ZNF552: variants seen among roughly 807,000 people sequenced by gnomAD.
ZNF552 encodes the protein zinc finger protein 552.
In ZNF552, 2 loss-of-function variants were observed where a neutral mutation model predicts 7.2. The observed-to-expected ratio is 0.28, with a 90% CI of 0.11 to 0.88. ZNF552 has a LOEUF of 0.88. ZNF552 is among the 40% of genes least tolerant of loss of function. The pLI, the probability that ZNF552 is intolerant of heterozygous loss-of-function variation, is 0.60. For missense variants in ZNF552, 421 were observed against 493.4 expected (o/e 0.85, Z 1.39); for synonymous variants, 173 against 176.5 (o/e 0.98, Z 0.16).
rs749214946 is a variant in ZNF552, at chr19:57,808,103, T to C, written c.1161A>G (p.Lys387=). The C allele has an allele frequency of 3.1e-6, 5 of 1,614,110 alleles. No homozygotes were observed. The East Asian group carries it at 1.1e-4, about 36-fold the overall frequency. ...GAAGTGAAGAGATTTGCCTAAATTT[T>C]TTTTCACATTCACTGCACCCGTAAG... ...EKPYGCSECE[K]KFRQISSLRH... The change falls in exon 3 of 3, where the codon AAA becomes AAG. Residue 387 remains lysine, a synonymous_variant. Coordinates refer to ENST00000391701, the MANE Select transcript of ZNF552 (RefSeq NM_024762.3).
In ZNF552 at chr19:57,807,212, G is replaced by A. The variant is rs1987758219; in HGVS notation, c.*828C>T. On this transcript the variant is annotated 3_prime_UTR_variant, in exon 3 of 3. Transcript: ENST00000391701. ...AAAGGCTCCAGGTGAATACAAAGGT[G>A]ATAGATTAGATAAATTCATTATTGT... 6.6e-6 allele frequency: 1 copy of A among 152,190 alleles called. No homozygotes were observed. Among genetic ancestry groups the A allele is most frequent in the African/African-American group, 2.4e-5 (1 of 41,448 alleles). The allele number at this position is 152,190 out of a possible 1,614,324, so 9.4% of individuals were successfully genotyped here.
chr19:57,813,773 C>CT (rs1368116971), intron 1 of ZNF552, among the ~76,000 whole-genome samples: 5 of 127,018 alleles, frequency 3.9e-5, no homozygotes, highest in Non-Finnish European at 7.9e-5. Flanking sequence ...GATACGGAGT[C>CT]TCGCTCTGTC....
chr19:57,813,204 G>A, intron 2 of ZNF552, 90 bp downstream of exon 2: 1 of 1,574,168 alleles, frequency 6.4e-7, no homozygotes, highest in Non-Finnish European at 8.6e-7. Flanking sequence ...CTGTGTCCAT[G>A]CTCCTGACAT....
At chr19:57,810,341 AAG>A (rs777193051) in intron 2 of ZNF552, among the ~76,000 whole-genome samples, 7 of 152,104 alleles carry the variant, frequency 4.6e-5, no homozygotes, top group Non-Finnish European at 7.4e-5. Flanking sequence ...GGGGAAAAGA[AAG>A]AGAGATCAGA....
At chr19:57,813,547 C>T (rs1987897288) in intron 1 of ZNF552, 127 bp from the exon 2 acceptor site, 2 of 1,379,676 alleles carry the variant, frequency 1.4e-6, no homozygotes, top group East Asian at 4.6e-5. Context: ...GAAACTAGGC[C>T]CACTGGTCAT....
intron 1 of ZNF552, chr19:57,814,414 T>C: frequency 8.9e-7 from 1 of 1,124,164 alleles, no homozygotes; most frequent in East Asian, 2.6e-5. Context: ...CCCAGCCTCC[T>C]TGCTTTTCCA....
At chr19:57,811,592 C>A (rs560863927) in intron 2 of ZNF552, among the ~76,000 whole-genome samples, 1 of 152,090 alleles carries the variant, frequency 6.6e-6, no homozygotes, top group South Asian at 2.1e-4. Context: ...GTGGCACATG[C>A]CTGTAATCCC....
chr19:57,808,858 G>A lies in ZNF552; in HGVS notation c.406C>T (p.Gln136Ter). 6.2e-7 allele frequency: 1 copy of A among 1,613,808 alleles called. No homozygotes were observed. The highest frequency in any genetic ancestry group is 8.5e-7 in the Non-Finnish European group (1 of 1,179,978). The change falls in exon 3 of 3, where the codon CAG becomes TAG. Residue 136 changes from glutamine to a stop codon, truncating the protein, a stop_gained. Transcript: ENST00000391701. LOFTEE classifies it low-confidence loss of function (END_TRUNC). ...NKLYDSGNFH[Q>*]HQNEHIGEKP... The stretch of plus-strand genomic sequence containing the variant: ...TCTCCAATGTGCTCATTCTGGTGCT[G>A]ATGAAAGTTTCCACTGTCATACAAT...
In ZNF552 at chr19:57,813,118, G is replaced by A. The variant is rs1286360205; in HGVS notation, c.160+176C>T. The A allele has an allele frequency of 3.7e-6, 4 of 1,074,430 alleles. No homozygotes were observed. The African/African-American group carries it at 6.4e-5, about 17-fold the overall frequency. The allele number at this position is 1,074,430 out of a possible 1,614,324, so 66.6% of individuals were successfully genotyped here. ...TTCTTCCCTGGGAGCTCAATAGCAGGTGTTGGGGCTGCTCCAAGAATGGAG... is the reference window on the plus strand; with the variant it reads ...TTCTTCCCTGGGAGCTCAATAGCAGATGTTGGGGCTGCTCCAAGAATGGAG... On this transcript the variant is annotated intron_variant, in intron 2 of 2. Transcript: ENST00000391701.
chr19:57,811,727 A>G (rs1987861456), intron 2 of ZNF552, among the ~76,000 whole-genome samples: 1 of 150,046 alleles, frequency 6.7e-6, no homozygotes, highest in Non-Finnish European at 1.5e-5. Flanking sequence ...AAAAAAAAAA[A>G]AAAAAAAAAA....
chr19:57,813,002 C>G (rs560200233), intron 2 of ZNF552: 1 of 461,692 alleles, frequency 2.2e-6, no homozygotes, highest in African/African-American at 1.9e-5. Flanking sequence ...AATTAGATCC[C>G]GAACCTGAAA....
At chr19:57,814,081 T>A (rs1987912226) in intron 1 of ZNF552, among the ~76,000 whole-genome samples, 1 of 152,072 alleles carries the variant, frequency 6.6e-6, no homozygotes, top group Non-Finnish European at 1.5e-5. Flanking sequence ...TCTACAGCCA[T>A]AAAGGCCTGA....
rs144324629 is a variant in ZNF552 at position 57,812,308 on chromosome 19, G to A, written c.160+986C>T. Among the ~76,000 whole-genome samples the A allele has an allele frequency of 3.0e-3, 460 of 152,128 alleles. 2 individuals carry two copies. Among genetic ancestry groups the A allele is most frequent in the Admixed American group, 5.2e-3 (79 of 15,260 alleles). Reference sequence around the variant, plus strand: ...CAAAAATACTACTGAAATAGAAGAGGTTTCTGTCATGATTTGAATAAAACT... The same window carrying A: ...CAAAAATACTACTGAAATAGAAGAGATTTCTGTCATGATTTGAATAAAACT... On this transcript the variant is annotated intron_variant, in intron 2 of 2. Coordinates refer to ENST00000391701, the MANE Select transcript of ZNF552 (RefSeq NM_024762.3).
chr19:57,813,129 G>T, intron 2 of ZNF552, 165 bp downstream of exon 2: 1 of 1,199,768 alleles, frequency 8.3e-7, no homozygotes, highest in Non-Finnish European at 1.1e-6. Flanking sequence ...TGTTGGGGCT[G>T]CTCCAAGAAT....
In ZNF552 at chr19:57,808,418, G is replaced by T; in HGVS notation, c.846C>A (p.His282Gln). Reference sequence around the variant, plus strand: ...TGTGAATTCTCTGGTGTACAAGGAGGTGGGACTTACTGTTAAATAATTTCC... The same window carrying T: ...TGTGAATTCTCTGGTGTACAAGGAGTTGGGACTTACTGTTAAATAATTTCC... The part of the protein sequence containing the change: ...ICGKLFNSKS[H>Q]LLVHQRIHTG... Residue 282 changes from histidine to glutamine, a missense_variant, in exon 3 of 3, where the codon CAC becomes CAA. His to Gln is a conservative substitution (Grantham distance 24). This residue lies in a region of ZNF552 where 299 missense variants were observed against 293.7 expected (regional missense o/e 1.02). Coordinates refer to ENST00000391701, the MANE Select transcript of ZNF552 (RefSeq NM_024762.3). 1.2e-6 allele frequency: 2 copies of T among 1,613,848 alleles called. No homozygotes were observed. Among genetic ancestry groups the T allele is most frequent in the Non-Finnish European group, 1.7e-6 (2 of 1,179,880 alleles).
intron 1 of ZNF552, among the ~76,000 whole-genome samples, chr19:57,813,728 CTCAT>C (rs1987901351): frequency 6.8e-6 from 1 of 146,048 alleles, no homozygotes; most frequent in Non-Finnish European, 1.5e-5. Flanking sequence ...CTGAACGCAC[CTCAT>C]TCTTTTTTTT....
intron 2 of ZNF552, chr19:57,813,084 G>A: frequency 1.4e-6 from 1 of 732,308 alleles, no homozygotes; most frequent in Non-Finnish European, 2.1e-6. Flanking sequence ...TAAGACTTCT[G>A]ACTCTGAATT....
At chr19:57,812,122 GC>G in intron 2 of ZNF552, among the ~76,000 whole-genome samples, 1 of 150,710 alleles carries the variant, frequency 6.6e-6, no homozygotes, top group Admixed American at 6.6e-5. Context: ...AAGTGCTTCA[GC>G]CCAGGAGGCA....
rs1393990361 is a variant in ZNF552 at position 57,807,219 on chromosome 19, T to G, written c.*821A>C. The G allele has an allele frequency of 1.3e-5, 2 of 152,170 alleles. No individual in the cohort carries two copies. The highest frequency in any genetic ancestry group is 2.9e-5 in the Non-Finnish European group (2 of 68,046). The allele number at this position is 152,170 out of a possible 1,614,324, so 9.4% of individuals were successfully genotyped here. ...CCAGGTGAATACAAAGGTGATAGATTAGATAAATTCATTATTGTGACTCTG... is the reference window on the plus strand; with the variant it reads ...CCAGGTGAATACAAAGGTGATAGATGAGATAAATTCATTATTGTGACTCTG... On this transcript the variant is annotated 3_prime_UTR_variant, in exon 3 of 3. Transcript: ENST00000391701.
Sources: gnomAD v4.1 joint callset for allele counts (sites outside exome capture counted in the v4.1 genomes callset) on GRCh38, gnomAD v4.1.1 for gene constraint, gnomAD v4.1.1 regional missense constraint, MANE v1.5 for transcripts, NCBI Gene and HGNC (gene_info 2026-07-23, HGNC 2026-07-21) for gene names.